The following THOC2 variants were observed in gnomAD, a reference collection of about 807,000 sequenced individuals.
THOC2 encodes THO complex 2.
A neutral mutation model predicts 128.4 loss-of-function variants in THOC2; 10 were observed. The ratio of observed to expected loss-of-function variants is 0.08; its 90% CI spans 0.05 to 0.13. The LOEUF is 0.13. Ranked by LOEUF, THOC2 falls within the 10% of genes least tolerant of loss-of-function variation. The pLI, the probability that THOC2 is intolerant of heterozygous loss-of-function variation, is 1.00. For missense variants in THOC2, 535 were observed against 1,155.7 expected, an observed-to-expected ratio of 0.46 and a Z score of 7.79; for synonymous variants, 393 against 396.9, an observed-to-expected ratio of 0.99 and a Z score of 0.12.
At chrX:123,634,188 G>A (rs747690705) in intron 19 of THOC2, 118 bp from the exon 20 acceptor site, 33 of 406,517 alleles carry the variant, frequency 8.1e-5, no homozygotes, top group Non-Finnish European at 1.2e-4. Context: ...TATGGGGGAA[G>A]GGGCTGAAGC....
chrX:123,612,436 G>A (rs2046734309), intron 36 of THOC2, among the ~76,000 whole-genome samples: 1 of 111,655 alleles, frequency 9.0e-6, no homozygotes, highest in African/African-American at 3.2e-5. Context: ...ACACAAAAGG[G>A]CACATTATTG....
rs373260791 is a variant in THOC2, at chrX:123,654,133, T to C, written c.1387-8758A>G. The stretch of plus-strand genomic sequence containing the variant: ...ACATGGATGAAGCTGGAAACCATCA[T>C]TCTCAGCAAACTAACACAGGAACAG... On this transcript the variant is annotated intron_variant, in intron 12 of 38. Transcript: ENST00000245838. Among the ~76,000 whole-genome samples the C allele has an allele frequency of 1.1e-4, 12 of 110,886 alleles. No individual in the cohort carries two copies. The East Asian group carries it at 3.1e-3, about 29-fold the overall frequency.
intron 38 of THOC2, among the ~76,000 whole-genome samples, chrX:123,608,194 A>G (rs1294714672): frequency 1.8e-5 from 2 of 110,384 alleles, no homozygotes; most frequent in Admixed American, 9.7e-5. Context: ...TGAGGTCAGG[A>G]GTTCAAGACC....
chrX:123,682,016 G>A (rs774697809), intron 8 of THOC2, among the ~76,000 whole-genome samples: 8 of 111,619 alleles, frequency 7.2e-5, no homozygotes, highest in Non-Finnish European at 1.3e-4. Context: ...CCGAGATTGC[G>A]CCATGCGCTC....
intron 38 of THOC2, chrX:123,603,654 G>T (rs1436752818): frequency 2.0e-6 from 1 of 505,564 alleles, no homozygotes; most frequent in Admixed American, 2.9e-5. Context: ...AGCACCAGAA[G>T]CTCTTAATTA....
At chrX:123,729,850 T>C (rs1488589121) in intron 1 of THOC2, among the ~76,000 whole-genome samples, 1 of 112,211 alleles carries the variant, frequency 8.9e-6, no homozygotes, top group African/African-American at 3.2e-5. Flanking sequence ...TTCTGCCTAG[T>C]AATATGAAAA....
Position 123,667,286 on chromosome X carries a change from T to C in THOC2, c.1018-8A>G, listed in dbSNP as rs937047253. The stretch of plus-strand genomic sequence containing the variant: ...TTTTTGGTTATCAGGTGGCTAAAAA[T>C]GAATAGTCAAAACTAAGATACTCAG... On this transcript the variant is annotated splice_polypyrimidine_tract_variant and splice_region_variant and intron_variant, in intron 10 of 38. Transcript: ENST00000245838. 5.1e-6 allele frequency: 6 copies of C among 1,179,722 alleles called. No individual in the cohort carries two copies. The African/African-American group carries it at 8.9e-5, about 17-fold the overall frequency.
chrX:123,607,423 A>G (rs1440507119), intron 38 of THOC2, among the ~76,000 whole-genome samples: 2 of 108,066 alleles, frequency 1.9e-5, no homozygotes, highest in African/African-American at 6.8e-5. Flanking sequence ...CTACAGGTGC[A>G]TACTACCATG....
In THOC2 at chrX:123,631,763, T is replaced by G; in HGVS notation, c.2406A>C (p.Val802=). 1.7e-6 allele frequency: 2 copies of G among 1,208,556 alleles called. No individual in the cohort carries two copies. The highest frequency in any genetic ancestry group is 2.2e-6 in the Non-Finnish European group (2 of 893,093). Residue 802 remains valine (V), a synonymous_variant, in exon 22 of 39, where the codon GTA becomes GTC. Coordinates refer to ENST00000245838, the MANE Select transcript of THOC2 (RefSeq NM_001081550.2). The part of the protein sequence containing the change: ...DYIKRVPSID[V]LCNEFHTPHD... ...GGGGTGTATGAAATTCATTACAGAG[T>G]ACATCAATTGAAGGCACTCGCTTTA...
intron 38 of THOC2, among the ~76,000 whole-genome samples, chrX:123,607,879 TAAAGA>T (rs1283105920): frequency 1.8e-5 from 2 of 109,653 alleles, no homozygotes; most frequent in Non-Finnish European, 3.8e-5. Flanking sequence ...ATAACATTCT[TAAAGA>T]AAAGGAAGAA....
intron 3 of THOC2, 142 bp from the exon 4 acceptor site, chrX:123,703,647 G>A: frequency 2.9e-6 from 1 of 346,767 alleles, no homozygotes; most frequent in Non-Finnish European, 5.0e-6. Context: ...CAGCACTTTG[G>A]GAGGCCGAGG....
At chrX:123,614,299 G>T in intron 33 of THOC2, 110 bp from the exon 34 acceptor site, 1 of 612,921 alleles carries the variant, frequency 1.6e-6, no homozygotes, top group Non-Finnish European at 2.3e-6. Flanking sequence ...AGTAAAAACT[G>T]GTCAGCTATC....
rs1169989131 is a variant in THOC2, at chrX:123,614,005, A to G, written c.4449+47T>C. 6 of 1,141,928 alleles carry G rather than the reference A, an allele frequency of 5.3e-6. 1 individual carries two copies. The highest frequency in any genetic ancestry group is 7.1e-6 in the Non-Finnish European group (6 of 850,048). The allele number at this position is 1,141,928 out of a possible 1,213,427, so 94.1% of individuals were successfully genotyped here. A position where few individuals can be genotyped will look rare whatever the true frequency, so the allele number is the denominator to read the frequency against. On this transcript the variant is annotated intron_variant, in intron 34 of 38. Transcript: ENST00000245838. Reference sequence around the variant, plus strand: ...TAAAAGGCAACATACACACTGGTGTACATGATAATGAGCTTTCCAAACTAG... The same window carrying G: ...TAAAAGGCAACATACACACTGGTGTGCATGATAATGAGCTTTCCAAACTAG...
chrX:123,645,324 A>C lies in THOC2; in HGVS notation c.1428+10T>G. ...ATTAGACACATTATTGGATTTTTCTAGTCTCTTACCGTTTTTTCTTTATCT... is the reference window on the plus strand; with the variant it reads ...ATTAGACACATTATTGGATTTTTCTCGTCTCTTACCGTTTTTTCTTTATCT... On this transcript the variant is annotated intron_variant, in intron 13 of 38. Transcript: ENST00000245838. The C allele has an allele frequency of 8.9e-7, 1 of 1,127,816 alleles. No homozygotes were observed. Among genetic ancestry groups the C allele is most frequent in the Non-Finnish European group, 1.2e-6 (1 of 837,956 alleles). 92.9% of individuals were successfully genotyped at this position (1,127,816 alleles called of 1,213,427 possible). A position where few individuals can be genotyped will look rare whatever the true frequency, so the allele number is the denominator to read the frequency against.
chrX:123,703,725 CAAAAAAAAAAAAAA>C (rs761049104), intron 3 of THOC2, among the ~76,000 whole-genome samples: 6 of 29,773 alleles, frequency 2.0e-4, no homozygotes, highest in Admixed American at 5.5e-4. Context: ...CCATCTCTAC[CAAAAAAAAAAAAAA>C]AAAAAAAAAA....
At chrX:123,642,622 C>T (rs2047970914) in intron 15 of THOC2, among the ~76,000 whole-genome samples, 1 of 109,345 alleles carries the variant, frequency 9.1e-6, no homozygotes, top group Non-Finnish European at 1.9e-5. Context: ...TGGTAGCTCA[C>T]GTCTGTAACT....
rs372475016 is a variant in THOC2, at chrX:123,638,973, A to G, written c.1801T>C (p.Leu601=). 4 of 1,186,288 alleles carry G rather than the reference A, an allele frequency of 3.4e-6. No individual in the cohort carries two copies. The highest frequency in any genetic ancestry group is 4.6e-6 in the Non-Finnish European group (4 of 878,279). ...DNLITPVVDS[L]KYLTSLNYDV... ...TAATTCAGTGAAGTGAGGTATTTCA[A>G]TGAATCTACTACAGGTGTTATTAAG... Residue 601 remains leucine, a synonymous_variant, in exon 17 of 39, where the codon TTG becomes CTG. Transcript: ENST00000245838.
intron 12 of THOC2, among the ~76,000 whole-genome samples, chrX:123,646,867 T>C (rs1028145715): frequency 1.8e-5 from 2 of 111,391 alleles, no homozygotes; most frequent in Non-Finnish European, 3.8e-5. Context: ...GAAGCAAAAA[T>C]ACAGGTATCC....
intron 1 of THOC2, among the ~76,000 whole-genome samples, chrX:123,722,821 GA>G (rs1441382800): frequency 9.0e-6 from 1 of 111,480 alleles, no homozygotes; most frequent in Non-Finnish European, 1.9e-5. Flanking sequence ...ATCAGTGAAA[GA>G]AACTCAAGCA....
Sources: allele counts gnomAD v4.1 joint callset (sites outside exome capture counted in the v4.1 genomes callset), GRCh38; gene constraint gnomAD v4.1.1; transcripts MANE v1.5; gene names NCBI Gene and HGNC (gene_info 2026-07-23, HGNC 2026-07-21).